The following ZNF283 variants were observed in gnomAD, a reference collection of about 807,000 sequenced individuals.
ZNF283 encodes the protein zinc finger protein 41.
In ZNF283, 10 loss-of-function variants were observed where a neutral mutation model predicts 9.2. That is an observed-to-expected ratio of 1.09 (90% CI 0.67 to 1.85). The LOEUF (loss-of-function observed/expected upper bound fraction) is 1.85, where lower values mean the gene tolerates loss of function less well. Among genes scored for constraint, ZNF283 ranks in the 40% most tolerant of loss-of-function variants. The pLI, the probability that ZNF283 is intolerant of heterozygous loss-of-function variation, is 0.00. For synonymous variants in ZNF283, 234 were observed against 244.1 expected (o/e 0.96, Z 0.38); for missense variants, 631 against 760.1 (o/e 0.83, Z 2.00).
At chr19:43,828,655 T>A (rs961751895) in intron 2 of ZNF283, among the ~76,000 whole-genome samples, 9 of 151,942 alleles carry the variant, frequency 5.9e-5, no homozygotes, top group East Asian at 3.9e-4. Flanking sequence ...ATAATTAAAA[T>A]TTTTTTTTAA....
chr19:43,848,446 T>C lies in ZNF283; in HGVS notation c.1845T>C (p.Ser615=), dbSNP rs367872625. ...CCTTTGGTAGTGGCTATCAACTTAGTGTTCATCAGAGATTTCATACTGGTG... is the reference window on the plus strand; with the variant it reads ...CCTTTGGTAGTGGCTATCAACTTAGCGTTCATCAGAGATTTCATACTGGTG... ...GKAFGSGYQL[S]VHQRFHTGEK... The change falls in exon 7 of 7, where the codon AGT becomes AGC. Residue 615 remains serine, a synonymous_variant. Coordinates refer to ENST00000618787, the MANE Select transcript of ZNF283 (RefSeq NM_181845.2). 2.5e-6 allele frequency: 4 copies of C among 1,613,916 alleles called. No individual in the cohort carries two copies. The highest frequency in any genetic ancestry group is 1.1e-5 in the South Asian group (1 of 91,080).
chr19:43,834,313 G>A (rs555550816), intron 4 of ZNF283, among the ~76,000 whole-genome samples: 1 of 151,988 alleles, frequency 6.6e-6, no homozygotes, highest in Admixed American at 6.6e-5. Flanking sequence ...AAAAAAGGAT[G>A]AAATTCCTCA....
intron 6 of ZNF283, 157 bp downstream of exon 6, chr19:43,837,336 G>A (rs573837318): frequency 5.9e-6 from 4 of 675,790 alleles, no homozygotes; most frequent in Non-Finnish European, 9.2e-6. Context: ...AAATGGGTTT[G>A]TTAAACACGT....
At chr19:43,833,950 C>G (rs998216451) in intron 4 of ZNF283, 1 of 152,206 alleles carries the variant, frequency 6.6e-6, no homozygotes, top group Admixed American at 6.5e-5. Flanking sequence ...CATAAGGCAG[C>G]CAGCAGTCAG....
intron 3 of ZNF283, among the ~76,000 whole-genome samples, chr19:43,833,029 GA>G (rs368640688): frequency 0.13 from 10,139 of 76,448 alleles, 328 homozygotes; most frequent in African/African-American, 0.18. Flanking sequence ...CCCTGTCTCT[GA>G]AAAAAAAAAA....
chr19:43,843,620 CAT>C (rs1244589547), intron 6 of ZNF283, among the ~76,000 whole-genome samples: 7 of 152,290 alleles, frequency 4.6e-5, no homozygotes, highest in Admixed American at 2.6e-4. Flanking sequence ...GTAATATTAA[CAT>C]GTGATTTTTT....
chr19:43,850,188 C>T lies in ZNF283; in HGVS notation c.*1547C>T, dbSNP rs896576301. 3 of 152,114 alleles carry T rather than the reference C, an allele frequency of 2.0e-5. No homozygotes were observed. Among genetic ancestry groups the T allele is most frequent in the Non-Finnish European group, 2.9e-5 (2 of 68,018 alleles). 9.4% of individuals were successfully genotyped at this position (152,114 alleles called of 1,614,324 possible). On this transcript the variant is annotated 3_prime_UTR_variant, in exon 7 of 7. Coordinates refer to ENST00000618787, the MANE Select transcript of ZNF283 (RefSeq NM_181845.2). ...ATATGGGCCTCTCCTTCACATTTCT[C>T]GTAACATGAAGTTGGAAATAGAGGC...
intron 6 of ZNF283, among the ~76,000 whole-genome samples, chr19:43,845,411 G>A (rs1044206067): frequency 2.0e-5 from 3 of 152,034 alleles, no homozygotes; most frequent in Admixed American, 2.0e-4. Flanking sequence ...AATTGGAAAA[G>A]GCATTAACAA....
rs758457212 is a variant in ZNF283, at chr19:43,848,532, A to G, written c.1931A>G (p.His644Arg). 31 of 1,612,732 alleles carry G rather than the reference A, an allele frequency of 1.9e-5. No individual in the cohort carries two copies. Among genetic ancestry groups the G allele is most frequent in the Non-Finnish European group, 2.5e-5 (29 of 1,178,996 alleles). Reference protein sequence around the residue: ...KTFTCGSKLVHERTHSNDKPY... With the variant: ...KTFTCGSKLVRERTHSNDKPY... ...TTTACTTGTGGCTCAAAACTTGTTC[A>G]TGAGAGAACTCATAGTAATGATAAA... Residue 644 changes from histidine (H) to arginine (R), a missense_variant, in exon 7 of 7, where the codon CAT becomes CGT. Around this residue, in one of 3 missense-constraint regions of ZNF283, gnomAD observed 444 missense variants for 522.5 expected, o/e 0.85. Coordinates refer to ENST00000618787, the MANE Select transcript of ZNF283 (RefSeq NM_181845.2).
chr19:43,841,432 A>ATT (rs1971204981), intron 6 of ZNF283: 1 of 129,510 alleles, frequency 7.7e-6, no homozygotes, highest in Non-Finnish European at 1.6e-5. Flanking sequence ...AGCTAATTTT[A>ATT]TCTTTTTTTT....
chr19:43,829,871 A>C (rs1970627109), intron 2 of ZNF283, among the ~76,000 whole-genome samples: 1 of 151,918 alleles, frequency 6.6e-6, no homozygotes, highest in Non-Finnish European at 1.5e-5. Flanking sequence ...AAAATACAAA[A>C]AATTAGCCGG....
intron 6 of ZNF283, among the ~76,000 whole-genome samples, chr19:43,845,754 C>T (rs1415846671): frequency 6.6e-6 from 1 of 152,082 alleles, no homozygotes; most frequent in African/African-American, 2.4e-5. Context: ...CCTTAGCTAG[C>T]AGTCTTTTCT....
In ZNF283 at chr19:43,847,618, A is replaced by T; in HGVS notation, c.1017A>T (p.Ile339=). Residue 339 remains isoleucine, a synonymous_variant, in exon 7 of 7, where the codon ATA becomes ATT. Transcript: ENST00000618787. ...FWGSSLAKHE[I]IHTGEKPYKC... ...GCTCAAGCCTTGCTAAACATGAGATAATTCATACAGGTGAGAAACCTTATA... is the reference window on the plus strand; with the variant it reads ...GCTCAAGCCTTGCTAAACATGAGATTATTCATACAGGTGAGAAACCTTATA... The T allele has an allele frequency of 6.2e-7, 1 of 1,613,560 alleles. No homozygotes were observed.
chr19:43,835,175 C>T, intron 4 of ZNF283, among the ~76,000 whole-genome samples: 1 of 152,168 alleles, frequency 6.6e-6, no homozygotes, highest in Non-Finnish European at 1.5e-5. Context: ...TTTTGACCAA[C>T]TTCCTTCAGT....
Position 43,829,428 on chromosome 19 carries a change from G to A in ZNF283, c.-65+1147G>A, listed in dbSNP as rs138407930. On this transcript the variant is annotated intron_variant, in intron 2 of 6. Transcript: ENST00000618787. ...AAAAAATTAAGGCTCTGGATCCAAA[G>A]TATCTGAATTCAAATCCTGGCTCTG... Among the ~76,000 whole-genome samples the A allele has an allele frequency of 1.3e-5, 2 of 152,078 alleles. 1 individual carries two copies. The highest frequency in any genetic ancestry group is 4.1e-4 in the South Asian group (2 of 4,828).
rs1178376480 is a variant in ZNF283, at chr19:43,848,370, A to G, written c.1769A>G (p.Glu590Gly). The part of the protein sequence containing the change: ...FSWGSSLVKH[E>G]RVHTNEKSYE... ...TGGGGTTCAAGCCTAGTTAAGCATG[A>G]GAGAGTCCATACTAATGAGAAGTCT... Residue 590 changes from glutamate to glycine, a missense_variant, in exon 7 of 7, where the codon GAG becomes GGG. Coordinates refer to ENST00000618787, the MANE Select transcript of ZNF283 (RefSeq NM_181845.2). 6.2e-7 allele frequency: 1 copy of G among 1,613,768 alleles called. No homozygotes were observed. Among genetic ancestry groups the G allele is most frequent in the African/African-American group, 1.3e-5 (1 of 74,856 alleles).
intron 4 of ZNF283, among the ~76,000 whole-genome samples, chr19:43,834,573 A>G (rs574025469): frequency 6.6e-6 from 1 of 150,978 alleles, no homozygotes; most frequent in African/African-American, 2.4e-5. Flanking sequence ...TAGATATATA[A>G]TTTTATTTTT....
At position 43,848,359 on chromosome 19, in the gene ZNF283, A is replaced by G. The variant is rs1372730118; in HGVS notation, c.1758A>G (p.Leu586=). The G allele has an allele frequency of 9.3e-6, 15 of 1,613,472 alleles. No homozygotes were observed. The highest frequency in any genetic ancestry group is 1.2e-5 in the Non-Finnish European group (14 of 1,179,838). ...AGGCCTTCAGTTGGGGTTCAAGCCT[A>G]GTTAAGCATGAGAGAGTCCATACTA... ...CGKAFSWGSS[L]VKHERVHTNE... The change falls in exon 7 of 7, where the codon CTA becomes CTG. Residue 586 remains leucine (L), a synonymous_variant. Coordinates refer to ENST00000618787, the MANE Select transcript of ZNF283 (RefSeq NM_181845.2).
intron 5 of ZNF283, among the ~76,000 whole-genome samples, chr19:43,836,370 C>A (rs1039625735): frequency 1.3e-5 from 2 of 152,128 alleles, no homozygotes; most frequent in Non-Finnish European, 2.9e-5. Context: ...GAGACAGAAT[C>A]TTGCTCTGTC....
Sources: gnomAD v4.1 joint callset for allele counts (sites outside exome capture counted in the v4.1 genomes callset) on GRCh38, gnomAD v4.1.1 for gene constraint, gnomAD v4.1.1 regional missense constraint, MANE v1.5 for transcripts, NCBI Gene and HGNC (gene_info 2026-07-23, HGNC 2026-07-21) for gene names.